The following ELP4 variants were observed in gnomAD, a reference collection of about 807,000 sequenced individuals.
ELP4 encodes elongator complex protein 4.
Under a neutral mutation model 48.9 loss-of-function variants are expected in ELP4, and 51 were observed. The observed-to-expected ratio is 1.04, with a 90% CI of 0.83 to 1.32. The LOEUF is 1.32. ELP4 is among the 40% of genes most tolerant of loss of function. The pLI is 0.00. For missense variants in ELP4, 519 were observed against 514.6 expected (o/e 1.01, Z -0.08); for synonymous variants, 210 against 189.2 (o/e 1.11, Z -0.90).
Position 31,509,954 on chromosome 11 carries a change from G to T in ELP4, c.170G>T (p.Arg57Leu). The change falls in exon 1 of 10, where the codon CGG becomes CTG. Residue 57 changes from arginine to leucine, a missense_variant. Physicochemically the swap from Arg to Leu is moderately radical, Grantham distance 102. Coordinates refer to ENST00000640961, the MANE Select transcript of ELP4 (RefSeq NM_019040.5). Reference protein sequence around the residue: ...VSIAGTRPSVRNGQLLVSTGL... With the variant: ...VSIAGTRPSVLNGQLLVSTGL... The stretch of plus-strand genomic sequence containing the variant: ...ATTGCGGGCACGCGACCGTCGGTGC[G>T]GAATGGACAGCTGCTGGTATCAACC... The T allele has an allele frequency of 6.2e-7, 1 of 1,613,154 alleles. No individual in the cohort carries two copies. The highest frequency in any genetic ancestry group is 8.5e-7 in the Non-Finnish European group (1 of 1,180,030).
At chr11:31,584,600 G>C (rs10767900) in intron 3 of ELP4, among the ~76,000 whole-genome samples, 59,084 of 151,784 alleles carry the variant, frequency 0.39, 15,062 homozygotes, top group African/African-American at 0.72. Flanking sequence ...ATGATCTCAG[G>C]TCACTGCAAC....
At chr11:31,593,227 C>CTGTTGTTGT (rs61458094) in intron 3 of ELP4, among the ~76,000 whole-genome samples, 20,823 of 149,844 alleles carry the variant, frequency 0.14, 1,663 homozygotes, top group African/African-American at 0.21. Context: ...GTGAATAATA[C>CTGTTGTTGT]TGTTGTTGTT....
At position 31,547,853 on chromosome 11, in the gene ELP4, A is replaced by C. The variant is rs1361863310; in HGVS notation, c.381+8070A>C. Among the ~76,000 whole-genome samples the C allele has an allele frequency of 6.6e-5, 10 of 152,338 alleles. No homozygotes were observed. In the East Asian group the frequency reaches 1.9e-3, roughly 29 times the overall value. On this transcript the variant is annotated intron_variant, in intron 3 of 9. Transcript: ENST00000640961. The stretch of plus-strand genomic sequence containing the variant: ...CAATATATACAAATCAATAAATGTA[A>C]TCCAGCATATAAACAGAACCAAAGA...
chr11:31,772,899 C>T (rs2134273256), intron 9 of ELP4, among the ~76,000 whole-genome samples: 1 of 152,336 alleles, frequency 6.6e-6, no homozygotes, highest in Non-Finnish European at 1.5e-5. Flanking sequence ...AAATTATCTG[C>T]CTTGGCAATC....
At chr11:31,773,512 C>T (rs1047895307) in intron 9 of ELP4, among the ~76,000 whole-genome samples, 1 of 152,050 alleles carries the variant, frequency 6.6e-6, no homozygotes, top group Non-Finnish European at 1.5e-5. Context: ...TTAGTAAATC[C>T]CACTGCCACC....
chr11:31,705,668 T>C (rs556448081), intron 9 of ELP4, among the ~76,000 whole-genome samples: 1 of 152,318 alleles, frequency 6.6e-6, no homozygotes, highest in East Asian at 1.9e-4. Context: ...TATGTCTTAG[T>C]TCTAACTTTC....
Position 31,642,290 on chromosome 11 carries a change from A to G in ELP4, c.928-5451A>G, listed in dbSNP as rs976476227. Among the ~76,000 whole-genome samples, 6 of 151,968 alleles carry G rather than the reference A, an allele frequency of 3.9e-5. No individual in the cohort carries two copies. In the East Asian group the frequency reaches 9.7e-4, roughly 25 times the overall value. ...ATTTGAATATTTGAAGCCAGTGTAA[A>G]TATAATATAAACAATATTTCTGAAA... On this transcript the variant is annotated intron_variant, in intron 7 of 9. Coordinates refer to ENST00000640961, the MANE Select transcript of ELP4 (RefSeq NM_019040.5).
At chr11:31,723,183 G>C (rs765504807) in intron 9 of ELP4, among the ~76,000 whole-genome samples, 4 of 152,082 alleles carry the variant, frequency 2.6e-5, no homozygotes, top group Non-Finnish European at 4.4e-5. Context: ...CCCTGAATGA[G>C]GCAGAAAGCA....
At chr11:31,533,818 T>G (rs1342585702) in intron 2 of ELP4, among the ~76,000 whole-genome samples, 1 of 151,502 alleles carries the variant, frequency 6.6e-6, no homozygotes, top group East Asian at 1.9e-4. Flanking sequence ...GGTAAGAGTT[T>G]TTTTTGTTTT....
At chr11:31,764,901 T>C (rs1163690311) in intron 9 of ELP4, among the ~76,000 whole-genome samples, 5 of 152,184 alleles carry the variant, frequency 3.3e-5, no homozygotes, top group African/African-American at 1.2e-4. Flanking sequence ...ATCATGTGTA[T>C]TATTCAACGT....
At chr11:31,707,286 G>A (rs1946654594) in intron 9 of ELP4, 2 of 316,750 alleles carry the variant, frequency 6.3e-6, no homozygotes, top group African/African-American at 4.3e-5. Flanking sequence ...CATGTTACTA[G>A]CAATATCCTT....
At chr11:31,619,282 TAGG>T (rs1248228845) in intron 5 of ELP4, among the ~76,000 whole-genome samples, 1 of 152,024 alleles carries the variant, frequency 6.6e-6, no homozygotes, top group African/African-American at 2.4e-5. Context: ...TGGGTTGGTA[TAGG>T]AGTTTAGTTA....
chr11:31,758,860 G>T (rs570466138), intron 9 of ELP4, among the ~76,000 whole-genome samples: 5 of 151,986 alleles, frequency 3.3e-5, no homozygotes, highest in Non-Finnish European at 7.4e-5. Flanking sequence ...TAGAGACAAG[G>T]TCTCACCATG....
At chr11:31,512,026 T>TG (rs1401747234) in intron 1 of ELP4, 1 of 152,242 alleles carries the variant, frequency 6.6e-6, no homozygotes, top group Non-Finnish European at 1.5e-5. Context: ...GACTACATCT[T>TG]GAAAAATAAA....
chr11:31,688,533 T>C (rs1397519435), intron 9 of ELP4, among the ~76,000 whole-genome samples: 1 of 152,198 alleles, frequency 6.6e-6, no homozygotes, highest in African/African-American at 2.4e-5. Context: ...AATTTCATAC[T>C]AGAATACAGT....
At chr11:31,524,065 T>C (rs958962200) in intron 2 of ELP4, among the ~76,000 whole-genome samples, 6 of 152,178 alleles carry the variant, frequency 3.9e-5, no homozygotes, top group Non-Finnish European at 5.9e-5. Flanking sequence ...TTATGTAATT[T>C]TAGTTCTAGA....
In ELP4 at chr11:31,514,650, T is replaced by C. The variant is rs373618107; in HGVS notation, c.223+4643T>C. Among the ~76,000 whole-genome samples the C allele has an allele frequency of 1.2e-4, 19 of 152,258 alleles. 1 individual carries two copies. The South Asian group carries it at 3.7e-3, about 30-fold the overall frequency. ...TAATACATTGTATTGGGAAAAGATATTTCAGTTTTAATTGGTAACTATTAG... is the reference window on the plus strand; with the variant it reads ...TAATACATTGTATTGGGAAAAGATACTTCAGTTTTAATTGGTAACTATTAG... On this transcript the variant is annotated intron_variant, in intron 1 of 9. Transcript: ENST00000640961.
chr11:31,593,227 C>CTGTTGTTGTTGTTGTTGTTGTTGT (rs61458094), intron 3 of ELP4, among the ~76,000 whole-genome samples: 3 of 149,910 alleles, frequency 2.0e-5, no homozygotes, highest in African/African-American at 5.0e-5. Context: ...GTGAATAATA[C>CTGTTGTTGTTGTTGTTGTTGTTGT]TGTTGTTGTT....
At chr11:31,626,851 T>A (rs1483569137) in intron 5 of ELP4, among the ~76,000 whole-genome samples, 1 of 151,890 alleles carries the variant, frequency 6.6e-6, no homozygotes, top group Non-Finnish European at 1.5e-5. Flanking sequence ...AAGCCTGACA[T>A]AATTAAGTTA....
Sources: allele counts gnomAD v4.1 joint callset (sites outside exome capture counted in the v4.1 genomes callset), GRCh38; gene constraint gnomAD v4.1.1; transcripts MANE v1.5; gene names NCBI Gene and HGNC (gene_info 2026-07-23, HGNC 2026-07-21).